PIK3C2G: variants seen among roughly 807,000 people sequenced by gnomAD.
PIK3C2G encodes phosphatidylinositol-4-phosphate 3-kinase catalytic subunit type 2 gamma, also known as phosphatidylinositol 3-kinase C2 domain-containing subunit gamma.
Under a neutral mutation model 181.1 loss-of-function variants are expected in PIK3C2G, and 168 were observed. That is an observed-to-expected ratio of 0.93 (90% CI 0.82 to 1.05). The LOEUF (loss-of-function observed/expected upper bound fraction) is 1.05, where lower values mean the gene tolerates loss of function less well. Among genes scored for constraint, PIK3C2G ranks in the 50% least tolerant of loss-of-function variants. PIK3C2G has a pLI of 0.00. For synonymous variants in PIK3C2G, 573 were observed against 592.2 expected (o/e 0.97, Z 0.47); for missense variants, 1,869 against 1,732.8 (o/e 1.08, Z -1.40).
At chr12:18,470,342 A>T (rs1938340115) in intron 18 of PIK3C2G, among the ~76,000 whole-genome samples, 1 of 152,102 alleles carries the variant, frequency 6.6e-6, no homozygotes, top group Non-Finnish European at 1.5e-5. Context: ...AGGAAGACGC[A>T]GGGTCCAGGG....
At chr12:18,301,232 T>A (rs754144203) in intron 5 of PIK3C2G, among the ~76,000 whole-genome samples, 3 of 152,152 alleles carry the variant, frequency 2.0e-5, no homozygotes, top group African/African-American at 2.4e-5. Flanking sequence ...GAACTTCCTA[T>A]ATATAGATTT....
At chr12:18,463,871 A>G (rs2135947238) in intron 18 of PIK3C2G, among the ~76,000 whole-genome samples, 3 of 152,216 alleles carry the variant, frequency 2.0e-5, no homozygotes, top group Admixed American at 2.0e-4. Flanking sequence ...GGTAATAGCC[A>G]GATCTATGAA....
At chr12:18,265,461 C>T (rs1447860101) in intron 1 of PIK3C2G, among the ~76,000 whole-genome samples, 2 of 151,942 alleles carry the variant, frequency 1.3e-5, no homozygotes, top group East Asian at 3.9e-4. Flanking sequence ...TATAAAATTC[C>T]AGAAGCCTCC....
the PIK3C2G span, among the ~76,000 whole-genome samples, chr12:18,692,011 T>C: frequency 6.6e-6 from 1 of 152,056 alleles, no homozygotes. Flanking sequence ...GAGTGTAGCT[T>C]CCCAAATCCT....
At chr12:18,260,711 G>T (rs1353985823), upstream of PIK3C2G, among the ~76,000 whole-genome samples, 1 of 151,876 alleles carries the variant, frequency 6.6e-6, no homozygotes, top group Non-Finnish European at 1.5e-5. Context: ...ACAACAAAAG[G>T]ATCCTACGAC....
intron 32 of PIK3C2G, among the ~76,000 whole-genome samples, chr12:18,643,053 G>A (rs1306146491): frequency 6.6e-6 from 1 of 151,982 alleles, no homozygotes; most frequent in Non-Finnish European, 1.5e-5. Context: ...AGCATTTTCA[G>A]TATAAGAAAA....
intron 12 of PIK3C2G, among the ~76,000 whole-genome samples, chr12:18,370,049 C>T (rs186122247): frequency 2.2e-3 from 330 of 151,312 alleles, no homozygotes; most frequent in Admixed American, 4.0e-3. Context: ...ATATAACGAT[C>T]GTATAATTGA....
intron 29 of PIK3C2G, among the ~76,000 whole-genome samples, chr12:18,574,016 A>G (rs1946109311): frequency 6.6e-6 from 1 of 152,296 alleles, no homozygotes; most frequent in African/African-American, 2.4e-5. Flanking sequence ...CACGTACTCT[A>G]TATATGCACA....
intron 15 of PIK3C2G, among the ~76,000 whole-genome samples, chr12:18,395,057 T>C (rs1015115632): frequency 2.7e-5 from 4 of 150,904 alleles, no homozygotes; most frequent in African/African-American, 9.7e-5. Context: ...TTCTCTTTCC[T>C]TCCTTCTTTC....
At chr12:18,645,124 A>T (rs1950048119) in intron 32 of PIK3C2G, among the ~76,000 whole-genome samples, 1 of 152,064 alleles carries the variant, frequency 6.6e-6, no homozygotes, top group African/African-American at 2.4e-5. Context: ...AAAGAAATTA[A>T]AAGAGCTATT....
intron 26 of PIK3C2G, among the ~76,000 whole-genome samples, chr12:18,558,889 T>A (rs1945148971): frequency 6.6e-6 from 1 of 152,228 alleles, no homozygotes; most frequent in African/African-American, 2.4e-5. Context: ...ACCATCAGAA[T>A]TTTAGATTAT....
intron 30 of PIK3C2G, among the ~76,000 whole-genome samples, chr12:18,597,238 G>A (rs1947416519): frequency 6.6e-6 from 1 of 151,572 alleles, no homozygotes; most frequent in East Asian, 2.0e-4. Flanking sequence ...AATAGAGTTA[G>A]AAAGATTGTG....
At chr12:18,589,918 A>G (rs12818707) in intron 29 of PIK3C2G, among the ~76,000 whole-genome samples, 24,055 of 151,812 alleles carry the variant, frequency 0.16, 2,158 homozygotes, top group South Asian at 0.21. Flanking sequence ...TAGGTTCCCT[A>G]TGAAATTCTC....
intron 18 of PIK3C2G, among the ~76,000 whole-genome samples, chr12:18,454,874 T>C (rs545335760): frequency 8.5e-5 from 13 of 152,274 alleles, no homozygotes; most frequent in African/African-American, 2.9e-4. Context: ...CTAAGTTTTA[T>C]TCACTTAAGA....
chr12:18,264,705 AAAG>A (rs1948405492), intron 1 of PIK3C2G, among the ~76,000 whole-genome samples: 1 of 152,150 alleles, frequency 6.6e-6, no homozygotes, highest in East Asian at 1.9e-4. Flanking sequence ...TGTGAGAACA[AAAG>A]AAGAAAATCA....
intron 8 of PIK3C2G, among the ~76,000 whole-genome samples, chr12:18,335,766 C>A (rs1938470811): frequency 6.6e-6 from 1 of 152,178 alleles, no homozygotes; most frequent in Admixed American, 6.5e-5. Context: ...TTTTACTTCA[C>A]ATATTCTAGC....
At chr12:18,561,721 C>T (rs1013270073) in intron 26 of PIK3C2G, among the ~76,000 whole-genome samples, 2 of 151,288 alleles carry the variant, frequency 1.3e-5, no homozygotes, top group Non-Finnish European at 2.9e-5. Flanking sequence ...AATTATTACA[C>T]CATTAGAATG....
chr12:18,385,599 C>A (rs1357159643), intron 14 of PIK3C2G, among the ~76,000 whole-genome samples: 1 of 152,010 alleles, frequency 6.6e-6, no homozygotes, highest in Non-Finnish European at 1.5e-5. Flanking sequence ...GATGAATTCT[C>A]ACTCTGTCGC....
intron 18 of PIK3C2G, among the ~76,000 whole-genome samples, chr12:18,484,072 A>G (rs537876637): frequency 2.5e-4 from 38 of 152,340 alleles, no homozygotes; most frequent in Non-Finnish European, 4.7e-4. Context: ...CTCCATGGAC[A>G]TGAGTATAGG....
Sources: gnomAD v4.1 joint callset for allele counts (sites outside exome capture counted in the v4.1 genomes callset) on GRCh38, gnomAD v4.1.1 for gene constraint, MANE v1.5 for transcripts, NCBI Gene and HGNC (gene_info 2026-07-23, HGNC 2026-07-21) for gene names.